Variants in FTO observed in about 807,000 individuals in gnomAD.
FTO encodes the protein alpha-ketoglutarate-dependent dioxygenase FTO.
In FTO, 47 loss-of-function variants were observed where a neutral mutation model predicts 63.9. The ratio of observed to expected loss-of-function variants is 0.74; its 90% CI spans 0.58 to 0.94. The LOEUF is 0.94. Ranked by LOEUF, FTO falls within the 40% of genes least tolerant of loss-of-function variation. The probability of loss-of-function intolerance (pLI) is 0.00; values close to 1 mark genes in which losing one functional copy is unlikely to be tolerated. For missense variants in FTO, 562 were observed against 618.1 expected (o/e 0.91, Z 0.96); for synonymous variants, 207 against 224.4 (o/e 0.92, Z 0.69).
At chr16:54,084,120 G>A (rs1490267038) in intron 8 of FTO, among the ~76,000 whole-genome samples, 1 of 152,226 alleles carries the variant, frequency 6.6e-6, no homozygotes, top group Non-Finnish European at 1.5e-5. Flanking sequence ...TCTGAAGTCT[G>A]AAACTCTTCT....
intron 8 of FTO, among the ~76,000 whole-genome samples, chr16:54,059,599 C>T (rs955691036): frequency 6.6e-6 from 1 of 152,146 alleles, no homozygotes; most frequent in Non-Finnish European, 1.5e-5. Flanking sequence ...AGTGGTTAAG[C>T]GCTGCTCCAG....
chr16:53,968,125 T>C (rs2083236272), intron 8 of FTO, among the ~76,000 whole-genome samples: 1 of 152,200 alleles, frequency 6.6e-6, no homozygotes, highest in Non-Finnish European at 1.5e-5. Flanking sequence ...ACATTGCACA[T>C]ACAAGCACAT....
intron 6 of FTO, among the ~76,000 whole-genome samples, chr16:53,888,468 T>TAAA (rs2081066100): frequency 6.6e-6 from 1 of 152,150 alleles, no homozygotes; most frequent in South Asian, 2.1e-4. Flanking sequence ...ATTGTTTTAT[T>TAAA]AGTAGCTTGG....
chr16:53,917,142 T>C (rs926674537), intron 7 of FTO, among the ~76,000 whole-genome samples: 2 of 152,208 alleles, frequency 1.3e-5, no homozygotes, highest in African/African-American at 2.4e-5. Context: ...CATGAGAATC[T>C]GGGCCACTCA....
At chr16:53,727,237 C>T (rs1163535052) in intron 1 of FTO, among the ~76,000 whole-genome samples, 2 of 152,242 alleles carry the variant, frequency 1.3e-5, no homozygotes, top group Non-Finnish European at 1.5e-5. Context: ...TGGCTAAATT[C>T]TCTGACTTGT....
chr16:53,987,651 A>G (rs935247815), intron 8 of FTO, among the ~76,000 whole-genome samples: 43 of 151,768 alleles, frequency 2.8e-4, no homozygotes, highest in Non-Finnish European at 6.0e-4. Context: ...GGGTTTGTGC[A>G]CACAGAAATA....
chr16:54,039,005 C>T (rs1291799519), intron 8 of FTO, among the ~76,000 whole-genome samples: 1 of 152,200 alleles, frequency 6.6e-6, no homozygotes, highest in Non-Finnish European at 1.5e-5. Context: ...GAGCAGCCAG[C>T]AGGGCTTGTA....
intron 8 of FTO, among the ~76,000 whole-genome samples, chr16:53,984,291 TC>T (rs1285503687): frequency 6.7e-6 from 1 of 148,806 alleles, no homozygotes; most frequent in East Asian, 2.0e-4. Flanking sequence ...GTAATTACTT[TC>T]CCTCCTCTAT....
chr16:53,976,967 C>G (rs781323034), intron 8 of FTO, among the ~76,000 whole-genome samples: 2 of 152,054 alleles, frequency 1.3e-5, no homozygotes, highest in Non-Finnish European at 2.9e-5. Flanking sequence ...GCCTTTCTCT[C>G]TCCAATGTAC....
chr16:53,748,020 A>G (rs545644475), intron 1 of FTO, among the ~76,000 whole-genome samples: 80 of 152,178 alleles, frequency 5.3e-4, no homozygotes, highest in African/African-American at 1.8e-3. Context: ...TGATGAGCCC[A>G]TTTTTCACTA....
intron 1 of FTO, among the ~76,000 whole-genome samples, chr16:53,749,798 A>C (rs577767448): frequency 2.0e-5 from 3 of 152,138 alleles, no homozygotes; most frequent in African/African-American, 7.2e-5. Context: ...TATGGCCTTT[A>C]TTGTGTTGAG....
intron 1 of FTO, among the ~76,000 whole-genome samples, chr16:53,731,859 T>C (rs2076277903): frequency 6.6e-6 from 1 of 151,590 alleles, no homozygotes; most frequent in Admixed American, 6.6e-5. Flanking sequence ...GCCATTCTCC[T>C]GCCTCAGCCT....
chr16:53,997,061 C>T (rs182788368), intron 8 of FTO, among the ~76,000 whole-genome samples: 5 of 150,342 alleles, frequency 3.3e-5, no homozygotes, highest in East Asian at 4.0e-4. Context: ...TGCAGTGAGC[C>T]GAGATTGTGC....
chr16:53,790,322 T>C (rs1421400527), intron 1 of FTO, among the ~76,000 whole-genome samples: 1 of 152,004 alleles, frequency 6.6e-6, no homozygotes, highest in Non-Finnish European at 1.5e-5. Flanking sequence ...CCATTCTATT[T>C]TCTGTCTCTA....
chr16:53,972,357 C>T (rs897789093), intron 8 of FTO, among the ~76,000 whole-genome samples: 2 of 152,040 alleles, frequency 1.3e-5, no homozygotes, highest in African/African-American at 2.4e-5. Flanking sequence ...CAATATCATC[C>T]TTCATCTCTC....
At chr16:53,896,690 G>A (rs890921782) in intron 7 of FTO, among the ~76,000 whole-genome samples, 3 of 152,128 alleles carry the variant, frequency 2.0e-5, no homozygotes, top group East Asian at 1.9e-4. Context: ...AAAAGGAAGC[G>A]TGGAGAGTCT....
chr16:53,883,826 A>C (rs2080926473), intron 6 of FTO, among the ~76,000 whole-genome samples: 2 of 152,034 alleles, frequency 1.3e-5, no homozygotes, highest in Non-Finnish European at 2.9e-5. Context: ...CTGATTCTTC[A>C]AGGTCATCTC....
At chr16:54,109,570 G>C (rs1398743368) in intron 8 of FTO, among the ~76,000 whole-genome samples, 1 of 152,188 alleles carries the variant, frequency 6.6e-6, no homozygotes, top group Non-Finnish European at 1.5e-5. Flanking sequence ...GGCCTCAAGT[G>C]ATCTGCCTGC....
At chr16:53,796,434 A>G (rs546292646) in intron 1 of FTO, among the ~76,000 whole-genome samples, 121 of 152,322 alleles carry the variant, frequency 7.9e-4, no homozygotes, top group Admixed American at 1.5e-3. Context: ...TGGTTTAAAT[A>G]CTACTTTTTG....
Sources: allele counts gnomAD v4.1 joint callset (sites outside exome capture counted in the v4.1 genomes callset), GRCh38; gene constraint gnomAD v4.1.1; transcripts MANE v1.5; gene names NCBI Gene and HGNC (gene_info 2026-07-23, HGNC 2026-07-21).